TRAPPC14: variants seen among roughly 807,000 people sequenced by gnomAD.
The protein encoded by TRAPPC14 is trafficking protein particle complex subunit 14, also known as microtubule associated protein 11.
TRAPPC14 carries 24 observed loss-of-function variants against 56.6 expected under a neutral mutation model. The observed-to-expected ratio is 0.42, with a 90% CI of 0.31 to 0.60. The LOEUF is 0.60. Ranked by LOEUF, TRAPPC14 falls within the 20% of genes least tolerant of loss-of-function variation. TRAPPC14 has a pLI of 0.14. For missense variants in TRAPPC14, 615 were observed against 790.3 expected (o/e 0.78, Z 2.66); for synonymous variants, 377 against 347.0 (o/e 1.09, Z -0.96).
Position 100,155,172 on chromosome 7 carries a change from A to G in TRAPPC14, c.1590-8T>C, listed in dbSNP as rs1411549764. 6.2e-7 allele frequency: 1 copy of G among 1,609,996 alleles called. No homozygotes were observed. The highest frequency in any genetic ancestry group is 2.2e-5 in the East Asian group (1 of 44,860). On this transcript the variant is annotated splice_polypyrimidine_tract_variant and splice_region_variant and intron_variant, in intron 10 of 10. Coordinates refer to ENST00000316937, the MANE Select transcript of TRAPPC14 (RefSeq NM_018275.5). ...TCCATCACACTGCCCGACCTGGGGG[A>G]AGGCAGAGGCTGTGGGCGCTGGTCA...
rs1201713096 is a variant in TRAPPC14 at position 100,158,098 on chromosome 7, TC to T, written c.401del (p.Gly134GlufsTer38). ...CCCCAAAGCTCCTCACCGTGGTCGC[TC>T]CCCCTGAGGTAGCAGGGCCCGGGCC... ...THGPGPATSG[G>X]ATTLPVEEPI... On this transcript the variant is annotated frameshift_variant, in exon 1 of 11. Coordinates refer to ENST00000316937, the MANE Select transcript of TRAPPC14 (RefSeq NM_018275.5). LOFTEE classifies it high-confidence loss of function. 3 of 1,480,750 alleles carry T rather than the reference TC, an allele frequency of 2.0e-6. No individual in the cohort carries two copies. The highest frequency in any genetic ancestry group is 2.7e-6 in the Non-Finnish European group (3 of 1,116,172). 91.7% of individuals were successfully genotyped at this position (1,480,750 alleles called of 1,614,324 possible).
intron 8 of TRAPPC14, chr7:100,156,046 G>A: frequency 1.4e-6 from 1 of 720,056 alleles, no homozygotes; most frequent in Non-Finnish European, 2.5e-6. Context: ...CATCAGATAT[G>A]AGTTGCTCTA....
At position 100,156,266 on chromosome 7, in the gene TRAPPC14, A is replaced by G. The variant is rs1798879313; in HGVS notation, c.1240+120T>C. On this transcript the variant is annotated intron_variant, in intron 8 of 10. Transcript: ENST00000316937. ...TACAGGGCGGAAGCCACCTGCCACA[A>G]GTCGCCTCCTGTGATGGGGCTGGCA... is the stretch of plus-strand genomic sequence containing the variant. 6 of 976,298 alleles carry G rather than the reference A, an allele frequency of 6.1e-6. No homozygotes were observed. The East Asian group carries it at 1.0e-4, about 17-fold the overall frequency. 60.5% of individuals were successfully genotyped at this position (976,298 alleles called of 1,614,324 possible).
At position 100,154,603 on chromosome 7, in the gene TRAPPC14, G is replaced by A. The variant is rs1270761857; in HGVS notation, c.*408C>T. 4.5e-5 allele frequency: 11 copies of A among 242,246 alleles called. No individual in the cohort carries two copies. Among genetic ancestry groups the A allele is most frequent in the Non-Finnish European group, 3.3e-5 (4 of 122,612 alleles). The allele number at this position is 242,246 out of a possible 1,614,324, so 15.0% of individuals were successfully genotyped here. ...CCTGAGACAGGAAGGTCACTGTCAG[G>A]GGCCCTTAGCCATCACCACCCTCTA... On this transcript the variant is annotated 3_prime_UTR_variant, in exon 11 of 11. Transcript: ENST00000316937.
chr7:100,155,362 TG>T lies in TRAPPC14; in HGVS notation c.1488del (p.Ser497AlafsTer33). ...ACCAAGTCCCGGACAGCAGGGCTGC[TG>T]GGGCTGCTCTTGCGGGAGAGGGGCC... ...EARPLSRKSSPSSPAVRDLVE... is the reference protein window; with the variant it reads ...EARPLSRKSSXSSPAVRDLVE... On this transcript the variant is annotated frameshift_variant, in exon 10 of 11. Transcript: ENST00000316937. LOFTEE classifies it high-confidence loss of function. 6.4e-7 allele frequency: 1 copy of T among 1,550,570 alleles called. No individual in the cohort carries two copies.
rs765670048 is a variant in TRAPPC14 at position 100,157,942 on chromosome 7, G to A, written c.412-4C>T. 6.5e-7 allele frequency: 1 copy of A among 1,535,772 alleles called. No homozygotes were observed. The highest frequency in any genetic ancestry group is 1.4e-5 in the African/African-American group (1 of 72,490). ...CAATCGGTTCCTCCACAGGCAGCTG[G>A]GGTTGGGAAAGGGGTGAAGAGGTCA... On this transcript the variant is annotated splice_polypyrimidine_tract_variant and splice_region_variant and intron_variant, in intron 1 of 10. Transcript: ENST00000316937.
In TRAPPC14 at chr7:100,156,865, G is replaced by A; in HGVS notation, c.973C>T (p.Pro325Ser). The A allele has an allele frequency of 4.3e-6, 7 of 1,614,036 alleles. No homozygotes were observed. The highest frequency in any genetic ancestry group is 5.9e-6 in the Non-Finnish European group (7 of 1,180,014). The change falls in exon 6 of 11, where the codon CCC becomes TCC. Residue 325 changes from proline (P) to serine (S), a missense_variant. By Grantham distance (74) the Pro-to-Ser change is moderately conservative. Transcript: ENST00000316937. ...CTCACCTCCTTGGCCCCTGGAGGGGGCTGCTCACCCCCTCTCAGCTGAAAC... is the reference window on the plus strand; with the variant it reads ...CTCACCTCCTTGGCCCCTGGAGGGGACTGCTCACCCCCTCTCAGCTGAAAC... ...FLFQLRGGEQPPPGAKEGLEV... is the reference protein window; with the variant it reads ...FLFQLRGGEQSPPGAKEGLEV...
chr7:100,155,484 G>C (rs768815663), intron 9 of TRAPPC14, 29 bp from the exon 10 acceptor site: 4 of 1,514,576 alleles, frequency 2.6e-6, no homozygotes, highest in South Asian at 2.6e-5. Context: ...CAGCATGCCA[G>C]CTCGGCTTCC....
chr7:100,155,413 C>A lies in TRAPPC14; in HGVS notation c.1438G>T (p.Val480Leu). ...CGGGCCTCGGGTGGAGGGTGGGACA[C>A]GCTGGCGGTGAACTGCAGCTTCAGT... The part of the protein sequence containing the change: ...MKLKLQFTAS[V>L]SHPPPEARPL... The change falls in exon 10 of 11, where the codon GTG becomes TTG. Residue 480 changes from valine to leucine, a missense_variant. Coordinates refer to ENST00000316937, the MANE Select transcript of TRAPPC14 (RefSeq NM_018275.5). 6.5e-7 allele frequency: 1 copy of A among 1,538,730 alleles called. No homozygotes were observed. The highest frequency in any genetic ancestry group is 8.8e-7 in the Non-Finnish European group (1 of 1,140,690).
At position 100,157,679 on chromosome 7, in the gene TRAPPC14, A is replaced by AGATCGGGTCTGC. The variant is rs760835985; in HGVS notation, c.579_590dup (p.Gln194_Ser197dup). The AGATCGGGTCTGC allele has an allele frequency of 1.2e-6, 2 of 1,614,192 alleles. No homozygotes were observed. The highest frequency in any genetic ancestry group is 1.7e-6 in the Non-Finnish European group (2 of 1,180,034). ...GCTCGCCCCGGAATGTCTCCCCAGG[A>AGATCGGGTCTGC]GATCGGGTCTGCAGCAATCGCAGGT... is the stretch of plus-strand genomic sequence containing the variant. On this transcript the variant is annotated inframe_insertion, in exon 3 of 11. Transcript: ENST00000316937.
In TRAPPC14 at chr7:100,156,700, A is replaced by G; in HGVS notation, c.1010T>C (p.Leu337Pro). ...GGTAGACCACTGAACCACAGCAATC[A>G]GGGGAACTTCCAGGCCCTGCAGGAG... ...PGAKEGLEVP[L>P]IAVVQWSTPK... Residue 337 changes from leucine to proline, a missense_variant, in exon 7 of 11, where the codon CTG becomes CCG. Transcript: ENST00000316937. The G allele has an allele frequency of 6.2e-7, 1 of 1,612,162 alleles. No individual in the cohort carries two copies. The highest frequency in any genetic ancestry group is 8.5e-7 in the Non-Finnish European group (1 of 1,178,984).
chr7:100,157,057 C>G (rs1055408416), intron 5 of TRAPPC14, 37 bp downstream of exon 5: 2 of 1,613,958 alleles, frequency 1.2e-6, no homozygotes, highest in East Asian at 2.2e-5. Context: ...GAAGCCATCC[C>G]CACCACTTCA....
intron 5 of TRAPPC14, 22 bp from the exon 6 acceptor site, chr7:100,157,014 G>A (rs885566): frequency 0.032 from 50,859 of 1,614,012 alleles, 907 homozygotes; most frequent in Middle Eastern, 0.056. Flanking sequence ...AAGAGGACAA[G>A]GCATGGTCTC....
chr7:100,156,820 G>T (rs768717275), intron 6 of TRAPPC14, 25 bp downstream of exon 6: 2 of 1,612,448 alleles, frequency 1.2e-6, no homozygotes, highest in East Asian at 4.5e-5. Context: ...ACTTTTCTTT[G>T]AACACACCAG....
At position 100,157,198 on chromosome 7, in the gene TRAPPC14, AGAG is replaced by A. The variant is rs779451413; in HGVS notation, c.738_740del (p.Ser247del). The A allele has an allele frequency of 6.2e-7, 1 of 1,614,158 alleles. No homozygotes were observed. Among genetic ancestry groups the A allele is most frequent in the African/African-American group, 1.3e-5 (1 of 75,030 alleles). The stretch of plus-strand genomic sequence containing the variant: ...TATCCCAGATGGAGATTTCCTCCTG[AGAG>A]GAGCTGTTCAGCACTGTGGGAGAGG... On this transcript the variant is annotated inframe_deletion, in exon 5 of 11. Transcript: ENST00000316937.
chr7:100,156,105 A>G, intron 8 of TRAPPC14: 3 of 636,662 alleles, frequency 4.7e-6, no homozygotes, highest in Non-Finnish European at 8.5e-6. Flanking sequence ...TAACTTATTC[A>G]AGGTCACACA....
rs1428467533 is a variant in TRAPPC14, at chr7:100,156,944, C to T, written c.894G>A (p.Gly298=). The change falls in exon 6 of 11, where the codon GGG becomes GGA. Residue 298 remains glycine (G), a synonymous_variant. Coordinates refer to ENST00000316937, the MANE Select transcript of TRAPPC14 (RefSeq NM_018275.5). ...GCGGGCAGGGGAAGCAGCCAGAGGT[C>T]CCGGGTAGGCGGCAGAAGGAGCCCA... ...VSMGSFCRLP[G]TSGCFPCPLN... is the part of the protein sequence containing the mutation. The T allele has an allele frequency of 6.2e-7, 1 of 1,614,060 alleles. No individual in the cohort carries two copies. Among genetic ancestry groups the T allele is most frequent in the East Asian group, 2.2e-5 (1 of 44,884 alleles).
In TRAPPC14 at chr7:100,156,966, C is replaced by T; in HGVS notation, c.872G>A (p.Gly291Asp). The T allele has an allele frequency of 6.2e-7, 1 of 1,613,982 alleles. No individual in the cohort carries two copies. The highest frequency in any genetic ancestry group is 8.5e-7 in the Non-Finnish European group (1 of 1,179,988). Reference protein sequence around the residue: ...VCHQSGEVSMGSFCRLPGTSG... With the variant: ...VCHQSGEVSMDSFCRLPGTSG... ...GGTCCCGGGTAGGCGGCAGAAGGAG[C>T]CCATGGAGACTTCCCCAGACTGGTG... Residue 291 changes from glycine to aspartate, a missense_variant, in exon 6 of 11, where the codon GGC becomes GAC. By Grantham distance (94) the Gly-to-Asp change is moderately conservative. Coordinates refer to ENST00000316937, the MANE Select transcript of TRAPPC14 (RefSeq NM_018275.5).
chr7:100,157,061 C>T, intron 5 of TRAPPC14, 33 bp downstream of exon 5: 1 of 1,614,004 alleles, frequency 6.2e-7, no homozygotes. Context: ...CCATCCCCAC[C>T]ACTTCACAGC....
Sources: gnomAD v4.1 joint callset for allele counts on GRCh38, gnomAD v4.1.1 for gene constraint, MANE v1.5 for transcripts, NCBI Gene and HGNC (gene_info 2026-07-23, HGNC 2026-07-21) for gene names.